KDM1A: variants seen among roughly 807,000 people sequenced by gnomAD.
KDM1A encodes the protein lysine-specific histone demethylase 1A.
A neutral mutation model predicts 109.4 loss-of-function variants in KDM1A; 49 were observed. The ratio of observed to expected loss-of-function variants is 0.45; its 90% confidence interval spans 0.36 to 0.57. The LOEUF (loss-of-function observed/expected upper bound fraction) is 0.57. Ranked by LOEUF, KDM1A falls within the 20% of genes least tolerant of loss-of-function variation. The pLI, the probability that KDM1A is intolerant of heterozygous loss-of-function variation, is 0.00. For missense variants in KDM1A, 668 were observed against 1,116.6 expected (o/e 0.60, Z 5.73); for synonymous variants, 380 against 415.4 (o/e 0.91, Z 1.04).
intron 12 of KDM1A, among the ~76,000 whole-genome samples, chr1:23,069,650 A>G (rs900178065): frequency 6.6e-6 from 1 of 152,222 alleles, no homozygotes; most frequent in African/African-American, 2.4e-5. Context: ...GAATTCTAGG[A>G]CTAGCAGGAG....
chr1:23,029,702 C>T (rs960409500), intron 1 of KDM1A, among the ~76,000 whole-genome samples: 4 of 152,136 alleles, frequency 2.6e-5, no homozygotes, highest in African/African-American at 7.2e-5. Flanking sequence ...TGCAGTGGTG[C>T]GATCTTGGCT....
At chr1:23,043,826 A>G (rs1157534303) in intron 2 of KDM1A, among the ~76,000 whole-genome samples, 1 of 152,210 alleles carries the variant, frequency 6.6e-6, no homozygotes, top group Non-Finnish European at 1.5e-5. Flanking sequence ...GTTTATCTAC[A>G]GTACTTGGCA....
intron 4 of KDM1A, among the ~76,000 whole-genome samples, chr1:23,052,175 G>C (rs763826175): frequency 2.0e-5 from 3 of 152,134 alleles, no homozygotes; most frequent in Non-Finnish European, 4.4e-5. Context: ...AGGGTTTCCC[G>C]ATGTTAGATT....
Position 23,071,273 on chromosome 1 carries a change from G to A in KDM1A, c.1462G>A (p.Glu488Lys). Residue 488 changes from glutamate (E) to lysine (K), a missense_variant, in exon 13 of 21, where the codon GAA becomes AAA. Transcript: ENST00000400181. ...KIKELHQQYK[E>K]ASEVKPPRDI... ...TAAAGAACTCCATCAGCAATACAAA[G>A]AAGCATCTGAAGTAAAGCCACCCAG... 2.5e-6 allele frequency: 4 copies of A among 1,609,370 alleles called. No individual in the cohort carries two copies. Among genetic ancestry groups the A allele is most frequent in the Non-Finnish European group, 3.4e-6 (4 of 1,178,154 alleles).
At chr1:23,035,971 CCT>C (rs1642130908) in intron 2 of KDM1A, among the ~76,000 whole-genome samples, 1 of 151,906 alleles carries the variant, frequency 6.6e-6, no homozygotes, top group Admixed American at 6.5e-5. Flanking sequence ...TATAAGATAC[CCT>C]GATCTCTTCC....
At chr1:23,082,450 A>C in intron 20 of KDM1A, 84 bp downstream of exon 20, 1 of 1,260,688 alleles carries the variant, frequency 7.9e-7, no homozygotes, top group Non-Finnish European at 1.1e-6. Context: ...TTTTTTTCAG[A>C]TTTTAGTCAT....
In KDM1A at chr1:23,079,596, A is replaced by G; in HGVS notation, c.2099A>G (p.Asn700Ser). The change falls in exon 18 of 21, where the codon AAT becomes AGT. Residue 700 changes from asparagine to serine, a missense_variant. Physicochemically the swap from Asn to Ser is conservative, Grantham distance 46. Around this residue, in one of 8 missense-constraint regions of KDM1A, gnomAD observed 162 missense variants for 376.4 expected, o/e 0.43. Transcript: ENST00000400181. This position sits in a 1 kb window ranked among gnomAD's most constrained non-coding sequence, Gnocchi z 5.6. ...CGGGTGTTCTGGGATCCAAGTGTCA[A>G]TTTGTTCGGGCATGTTGGCAGTACG... is the stretch of plus-strand genomic sequence containing the variant. ...FDRVFWDPSV[N>S]LFGHVGSTTA... 3.1e-6 allele frequency: 5 copies of G among 1,613,916 alleles called. No individual in the cohort carries two copies. The highest frequency in any genetic ancestry group is 4.2e-6 in the Non-Finnish European group (5 of 1,179,930).
chr1:23,070,089 T>TGTA (rs1254244824), intron 12 of KDM1A, among the ~76,000 whole-genome samples: 1 of 152,258 alleles, frequency 6.6e-6, no homozygotes, highest in Non-Finnish European at 1.5e-5. Context: ...CCAGGATACC[T>TGTA]GTAGGGTGGC....
In KDM1A at chr1:23,078,273, G is replaced by A. The variant is rs72875387; in HGVS notation, c.1868-717G>A. Among the ~76,000 whole-genome samples, 711 of 152,258 alleles carry A rather than the reference G, an allele frequency of 4.7e-3. 4 individuals carry two copies. The highest frequency in any genetic ancestry group is 0.016 in the African/African-American group (684 of 41,528). On this transcript the variant is annotated intron_variant, in intron 16 of 20. Transcript: ENST00000400181. The stretch of plus-strand genomic sequence containing the variant: ...AGCCTTGAGCCTTTTGCAGGCAGAC[G>A]GAGAACAGTGAGAATAGATGTTGTG...
intron 3 of KDM1A, among the ~76,000 whole-genome samples, chr1:23,045,706 A>G (rs1249898649): frequency 6.6e-6 from 1 of 151,832 alleles, no homozygotes; most frequent in African/African-American, 2.4e-5. Context: ...GCTCTTTTGC[A>G]TTAAGTAAAC....
chr1:23,043,447 G>A (rs1642410189), intron 2 of KDM1A, among the ~76,000 whole-genome samples: 1 of 152,114 alleles, frequency 6.6e-6, no homozygotes, highest in South Asian at 2.1e-4. Flanking sequence ...TCAAATGGTG[G>A]AATAATCAAT....
rs1643547815 is a variant in KDM1A at position 23,079,119 on chromosome 1, C to T, written c.1997C>T (p.Pro666Leu). 2.5e-6 allele frequency: 4 copies of T among 1,614,196 alleles called. No homozygotes were observed. Among genetic ancestry groups the T allele is most frequent in the Non-Finnish European group, 2.5e-6 (3 of 1,180,030 alleles). Reference protein sequence around the residue: ...QQPPAVQFVPPLPEWKTSAVQ... With the variant: ...QQPPAVQFVPLLPEWKTSAVQ... ...CCACCAGCCGTTCAGTTTGTGCCAC[C>T]TCTCCCTGAGTGGAAAACATCTGCA... The change falls in exon 17 of 21, where the codon CCT (proline) becomes CTT (leucine). Residue 666 changes from proline (P) to leucine (L), a missense_variant. Physicochemically the swap from Pro to Leu is moderately conservative, Grantham distance 98 (BLOSUM62 -3). This residue lies in a region of KDM1A where 162 missense variants were observed against 376.4 expected (regional missense o/e 0.43). Transcript: ENST00000400181. The surrounding 1 kb of genome is among the most constrained non-coding windows in gnomAD (Gnocchi z 5.6).
chr1:23,071,109 AT>A (rs1331492357), intron 12 of KDM1A, 115 bp from the exon 13 acceptor site: 1 of 752,510 alleles, frequency 1.3e-6, no homozygotes, highest in Non-Finnish European at 2.2e-6. Flanking sequence ...AGGACCTTGC[AT>A]TGTAGCCCTG....
intron 15 of KDM1A, among the ~76,000 whole-genome samples, chr1:23,075,995 A>G (rs1160168842): frequency 6.6e-6 from 1 of 152,206 alleles, no homozygotes; most frequent in Non-Finnish European, 1.5e-5. Context: ...ATAATCTGAT[A>G]GTTTTAGTAT....
At chr1:23,055,873 CTG>C (rs1376119751) in intron 6 of KDM1A, 57 bp from the exon 7 acceptor site, 7 of 1,087,442 alleles carry the variant, frequency 6.4e-6, no homozygotes, top group Admixed American at 4.0e-5. Flanking sequence ...TGAAATAAGA[CTG>C]TAAGTACAAA....
At chr1:23,053,655 G>T in intron 4 of KDM1A, 106 bp from the exon 5 acceptor site, 2 of 755,162 alleles carry the variant, frequency 2.6e-6, no homozygotes, top group East Asian at 2.7e-5. Context: ...CAAACTGCTG[G>T]GATTATAGGT....
chr1:23,036,532 T>C (rs1642151158), intron 2 of KDM1A, among the ~76,000 whole-genome samples: 1 of 139,664 alleles, frequency 7.2e-6, no homozygotes, highest in South Asian at 2.6e-4. Flanking sequence ...CAAAATACCT[T>C]ACTGGAGGGC....
At chr1:23,054,966 T>G (rs1258982028) in intron 5 of KDM1A, 103 bp from the exon 6 acceptor site, 1 of 692,578 alleles carries the variant, frequency 1.4e-6, no homozygotes, top group Non-Finnish European at 2.4e-6. Flanking sequence ...GACTTGAAGC[T>G]TAATGGTTTT....
chr1:23,051,781 T>G (rs977891428), intron 4 of KDM1A, among the ~76,000 whole-genome samples: 1 of 152,234 alleles, frequency 6.6e-6, no homozygotes, highest in Non-Finnish European at 1.5e-5. Context: ...GTCATTGATA[T>G]GTCTGCTTTT....
Sources: gnomAD v4.1 joint callset for allele counts (sites outside exome capture counted in the v4.1 genomes callset) on GRCh38, gnomAD v4.1.1 for gene constraint, gnomAD v4.1.1 regional missense constraint, Gnocchi (gnomAD v3.1) non-coding constraint, MANE v1.5 for transcripts, NCBI Gene and HGNC (gene_info 2026-07-23, HGNC 2026-07-21) for gene names.